Variants in PDE8B observed in about 807,000 individuals in gnomAD.
PDE8B encodes the protein phosphodiesterase 8B.
A neutral mutation model predicts 101.3 loss-of-function variants in PDE8B; 26 were observed. The ratio of observed to expected loss-of-function variants is 0.26; its 90% CI spans 0.19 to 0.36. The LOEUF is 0.36. Among genes scored for constraint, PDE8B ranks in the 10% least tolerant of loss-of-function variants. The pLI is 1.00. For missense variants in PDE8B, 810 were observed against 1,163.1 expected (o/e 0.70, Z 4.42); for synonymous variants, 424 against 429.3 (o/e 0.99, Z 0.15).
At chr5:77,210,283 G>T (rs565913748), upstream of PDE8B, among the ~76,000 whole-genome samples, 1 of 151,510 alleles carries the variant, frequency 6.6e-6, no homozygotes, top group South Asian at 2.1e-4. This position sits in a 1 kb window ranked among gnomAD's most constrained non-coding sequence, Gnocchi z 4.9. Flanking sequence ...GCGCCGAGGC[G>T]CGGTGCCAGC....
chr5:77,229,774 G>A (rs1046184170), intron 1 of PDE8B, among the ~76,000 whole-genome samples: 2 of 152,168 alleles, frequency 1.3e-5, no homozygotes, highest in South Asian at 2.1e-4. Flanking sequence ...TCAGTACTGC[G>A]TTCCTCTTGA....
At chr5:77,348,431 G>A (rs1477846998) in intron 7 of PDE8B, among the ~76,000 whole-genome samples, 3 of 152,102 alleles carry the variant, frequency 2.0e-5, no homozygotes, top group Non-Finnish European at 4.4e-5. Flanking sequence ...ATTTTGAAAA[G>A]AAACCTCTGA....
chr5:77,411,817 C>A, intron 15 of PDE8B, 96 bp downstream of exon 15: 1 of 968,256 alleles, frequency 1.0e-6, no homozygotes, highest in Non-Finnish European at 1.7e-6. Flanking sequence ...TTACTTCCAG[C>A]TAGTCCCATT....
In PDE8B at chr5:77,407,405, A is replaced by G. The variant is rs766458779; in HGVS notation, c.1313A>G (p.Tyr438Cys). 9.3e-6 allele frequency: 15 copies of G among 1,613,990 alleles called. No individual in the cohort carries two copies. The highest frequency in any genetic ancestry group is 1.3e-5 in the Non-Finnish European group (15 of 1,180,002). Residue 438 changes from tyrosine (Y) to cysteine (C), a missense_variant, in exon 13 of 22, where the codon TAT becomes TGT. Physicochemically the swap from Tyr to Cys is radical, Grantham distance 194. Coordinates refer to ENST00000264917, the MANE Select transcript of PDE8B (RefSeq NM_003719.5). Reference sequence around the variant, plus strand: ...GCACCAAGCCTGCAGAATCGTCGCTATCCGTCCATGGCGAGGATCCACTCC... The same window carrying G: ...GCACCAAGCCTGCAGAATCGTCGCTGTCCGTCCATGGCGAGGATCCACTCC... Reference protein sequence around the residue: ...SDAPSLQNRRYPSMARIHSMT... With the variant: ...SDAPSLQNRRCPSMARIHSMT...
chr5:77,254,530 G>A (rs1758716171), intron 1 of PDE8B, among the ~76,000 whole-genome samples: 1 of 152,128 alleles, frequency 6.6e-6, no homozygotes, highest in Admixed American at 6.5e-5. Flanking sequence ...ATGTAATGAC[G>A]CACTTAGTTT....
At chr5:77,123,579 G>A in the PDE8B span, among the ~76,000 whole-genome samples, 8 of 152,138 alleles carry the variant, frequency 5.3e-5, no homozygotes, top group South Asian at 6.2e-4. Flanking sequence ...GTAACATGGC[G>A]ACATCCTGTC....
chr5:77,327,066 C>T (rs537449587), intron 3 of PDE8B, among the ~76,000 whole-genome samples: 112 of 152,342 alleles, frequency 7.4e-4, no homozygotes, highest in African/African-American at 2.6e-3. Flanking sequence ...ATGTACATAT[C>T]TGGCAGTGTG....
At chr5:77,120,964 G>A in the PDE8B span, among the ~76,000 whole-genome samples, 1,615 of 152,354 alleles carry the variant, frequency 0.011, 19 homozygotes, top group Middle Eastern at 0.031. Context: ...GATTGCACCT[G>A]TGTGTAGCTG....
At chr5:77,264,975 C>T (rs1343119023) in intron 1 of PDE8B, among the ~76,000 whole-genome samples, 2 of 152,142 alleles carry the variant, frequency 1.3e-5, no homozygotes, top group Admixed American at 6.5e-5. Context: ...TTTCCTAGGC[C>T]TCAACTGAGC....
the PDE8B span, chr5:77,113,888 A>G: frequency 2.0e-5 from 3 of 152,268 alleles, no homozygotes; most frequent in South Asian, 4.1e-4. Context: ...GAAGACATTT[A>G]TGCAGCCAAC....
intron 11 of PDE8B, among the ~76,000 whole-genome samples, chr5:77,401,979 A>G (rs1581501186): frequency 1.3e-5 from 2 of 152,350 alleles, no homozygotes; most frequent in East Asian, 3.9e-4. Context: ...CCTGGGCCAC[A>G]GCCTTGAAGC....
intron 17 of PDE8B, among the ~76,000 whole-genome samples, chr5:77,414,670 T>C (rs1268834445): frequency 6.6e-6 from 1 of 151,722 alleles, no homozygotes; most frequent in African/African-American, 2.4e-5. Flanking sequence ...GACCTCGTGA[T>C]CCACCCGCCT....
chr5:77,350,540 A>G (rs1472941755), intron 8 of PDE8B, among the ~76,000 whole-genome samples: 1 of 152,010 alleles, frequency 6.6e-6, no homozygotes, highest in African/African-American at 2.4e-5. Context: ...CACGGAAGCT[A>G]AGAGGAGCCA....
the PDE8B span, among the ~76,000 whole-genome samples, chr5:77,097,707 C>CTATATATATATATATATA: frequency 4.3e-4 from 9 of 20,900 alleles, no homozygotes; most frequent in East Asian, 5.4e-3. Context: ...ATATATATAT[C>CTATATATATATATATATA]TATATATATA....
At chr5:77,099,395 C>T in the PDE8B span, among the ~76,000 whole-genome samples, 2 of 152,166 alleles carry the variant, frequency 1.3e-5, no homozygotes, top group Non-Finnish European at 2.9e-5. Context: ...AAGATTCAGC[C>T]TGTTCAATAT....
At chr5:77,165,985 A>T in the PDE8B span, among the ~76,000 whole-genome samples, 36,716 of 133,518 alleles carry the variant, frequency 0.27, 5,242 homozygotes, top group East Asian at 0.74. Context: ...CAAAAAAAAA[A>T]AAAAAAGAAA....
chr5:77,100,563 C>T, the PDE8B span, among the ~76,000 whole-genome samples: 1 of 152,194 alleles, frequency 6.6e-6, no homozygotes, highest in African/African-American at 2.4e-5. Flanking sequence ...AAGCAAAAGA[C>T]AGATCCGGTG....
chr5:77,235,180 T>G (rs551612955), intron 1 of PDE8B, among the ~76,000 whole-genome samples: 9 of 152,164 alleles, frequency 5.9e-5, no homozygotes, highest in Non-Finnish European at 1.2e-4. Flanking sequence ...TACCCTACCT[T>G]CCTTCTGGTA....
chr5:77,373,910 T>C (rs1239839644), intron 10 of PDE8B, among the ~76,000 whole-genome samples: 3 of 152,180 alleles, frequency 2.0e-5, no homozygotes, highest in African/African-American at 7.2e-5. Context: ...AGTGCAATGG[T>C]GCCATCTCAG....
Sources: gnomAD v4.1 joint callset for allele counts (sites outside exome capture counted in the v4.1 genomes callset) on GRCh38, gnomAD v4.1.1 for gene constraint, Gnocchi (gnomAD v3.1) non-coding constraint, MANE v1.5 for transcripts, NCBI Gene and HGNC (gene_info 2026-07-23, HGNC 2026-07-21) for gene names.